CPVL: variants seen among roughly 807,000 people sequenced by gnomAD.
CPVL encodes probable serine carboxypeptidase CPVL.
CPVL carries 51 observed loss-of-function variants against 63.7 expected under a neutral mutation model. The observed-to-expected ratio is 0.80, with a 90% CI of 0.64 to 1.01. The LOEUF is 1.01. Among genes scored for constraint, CPVL ranks in the 50% least tolerant of loss-of-function variants. The probability of loss-of-function intolerance (pLI) is 0.00; values close to 1 mark genes in which losing one functional copy is unlikely to be tolerated. For missense variants in CPVL, 530 were observed against 573.1 expected, an observed-to-expected ratio of 0.92 and a Z score of 0.77; for synonymous variants, 195 against 206.0, an observed-to-expected ratio of 0.95 and a Z score of 0.46.
At chr7:29,169,471 C>A (rs1271090311) in intron 5 of CPVL, among the ~76,000 whole-genome samples, 1 of 151,836 alleles carries the variant, frequency 6.6e-6, no homozygotes, top group Admixed American at 6.6e-5. Context: ...TGTTTATATA[C>A]AATAATGTTA....
chr7:29,093,377 CAAAAA>C (rs371165878), intron 5 of CPVL, among the ~76,000 whole-genome samples: 10 of 70,014 alleles, frequency 1.4e-4, no homozygotes, highest in African/African-American at 4.3e-4. Context: ...ACTCCGTCTC[CAAAAA>C]AAAAAAAAAA....
intron 3 of CPVL, among the ~76,000 whole-genome samples, chr7:29,103,404 C>T (rs571243967): frequency 0.013 from 1,225 of 96,418 alleles, 7 homozygotes; most frequent in Admixed American, 0.026. Flanking sequence ...CACCACCATG[C>T]TCAGCTATTT....
chr7:29,051,578 T>A, intron 11 of CPVL, among the ~76,000 whole-genome samples: 1 of 151,974 alleles, frequency 6.6e-6, no homozygotes, highest in Non-Finnish European at 1.5e-5. Context: ...ATGGCCATAA[T>A]CAAAAAATCA....
chr7:29,142,139 G>A (rs116819207), intron 1 of CPVL, among the ~76,000 whole-genome samples: 2 of 152,206 alleles, frequency 1.3e-5, no homozygotes, highest in Admixed American at 6.5e-5. Flanking sequence ...TACTAGTGCA[G>A]ATATGGTCTT....
intron 2 of CPVL, among the ~76,000 whole-genome samples, chr7:29,117,608 C>T (rs547747948): frequency 2.0e-5 from 3 of 151,740 alleles, no homozygotes; most frequent in Non-Finnish European, 4.4e-5. Flanking sequence ...TACCATGGGC[C>T]CTGGGGTTGG....
chr7:29,100,487 C>G (rs1787007215), intron 3 of CPVL, among the ~76,000 whole-genome samples: 1 of 152,082 alleles, frequency 6.6e-6, no homozygotes, highest in Non-Finnish European at 1.5e-5. Flanking sequence ...GGCCTCTGGT[C>G]TCCAGCCTGT....
Position 29,092,767 on chromosome 7 carries a change from A to T in CPVL, c.463-65T>A. On this transcript the variant is annotated intron_variant, in intron 5 of 12. Coordinates refer to ENST00000265394, the MANE Select transcript of CPVL (RefSeq NM_031311.5). ...ACACATGCCTTAGGGACCTGCAGAG[A>T]GGTCCCACACTGGAAGGTGACCTTG... 5 of 1,141,450 alleles carry T rather than the reference A, an allele frequency of 4.4e-6. No individual in the cohort carries two copies. In the South Asian group the frequency reaches 5.0e-5, roughly 11 times the overall value. The allele number at this position is 1,141,450 out of a possible 1,614,324, so 70.7% of individuals were successfully genotyped here. A position where few individuals can be genotyped will look rare whatever the true frequency, so the allele number is the denominator to read the frequency against.
intron 11 of CPVL, among the ~76,000 whole-genome samples, chr7:29,057,390 G>T (rs1790848519): frequency 6.6e-6 from 1 of 152,100 alleles, no homozygotes; most frequent in Non-Finnish European, 1.5e-5. Flanking sequence ...ATATATTTTG[G>T]TTAACAGTCC....
At chr7:29,147,248 G>A (rs551766414), upstream of CPVL, 1 of 380,384 alleles carries the variant, frequency 2.6e-6, no homozygotes, top group East Asian at 5.8e-5. Flanking sequence ...AAATAAAGGA[G>A]GGTCATCATT....
At chr7:29,028,533 C>G (rs1235199580) in intron 12 of CPVL, among the ~76,000 whole-genome samples, 1 of 152,106 alleles carries the variant, frequency 6.6e-6, no homozygotes, top group Non-Finnish European at 1.5e-5. Flanking sequence ...GCAAAGGGAA[C>G]AATCAATAGA....
At chr7:28,996,549 CAA>C (rs549584191) in intron 12 of CPVL, among the ~76,000 whole-genome samples, 15 of 113,596 alleles carry the variant, frequency 1.3e-4, no homozygotes, top group Middle Eastern at 8.5e-3. Context: ...AACCAAAAAA[CAA>C]AAAAAAAAAA....
exon 1 of CPVL, chr7:29,195,116 C>T: frequency 2.0e-6 from 2 of 987,060 alleles, no homozygotes; most frequent in South Asian, 1.7e-5. Flanking sequence ...TGGGGGCAGG[C>T]GTCCGGGGTG....
intron 5 of CPVL, among the ~76,000 whole-genome samples, chr7:29,165,484 C>CT (rs1795793502): frequency 6.6e-6 from 1 of 152,068 alleles, no homozygotes; most frequent in South Asian, 2.1e-4. Flanking sequence ...TTTCCACAGT[C>CT]ATGTTGTCTG....
upstream of CPVL, among the ~76,000 whole-genome samples, chr7:29,151,160 C>T (rs1055944240): frequency 6.6e-6 from 1 of 152,138 alleles, no homozygotes; most frequent in Non-Finnish European, 1.5e-5. Flanking sequence ...CTAAGACTAG[C>T]CACAGGCTAC....
intron 12 of CPVL, among the ~76,000 whole-genome samples, chr7:29,022,214 C>T (rs559910066): frequency 2.4e-4 from 37 of 152,228 alleles, no homozygotes; most frequent in Non-Finnish European, 4.1e-4. Context: ...CCTCTTGGCC[C>T]AAGGACACCA....
intron 12 of CPVL, among the ~76,000 whole-genome samples, chr7:29,017,055 A>C (rs1169141785): frequency 6.6e-6 from 1 of 152,162 alleles, no homozygotes; most frequent in Non-Finnish European, 1.5e-5. Flanking sequence ...CTGCTTAAAC[A>C]ATGGAACACA....
chr7:29,096,454 T>C, intron 3 of CPVL: 1 of 542,642 alleles, frequency 1.8e-6, no homozygotes. Flanking sequence ...GTCAAGTCTT[T>C]TCCCAACAAG....
chr7:29,055,803 T>A (rs1210855168), intron 11 of CPVL, among the ~76,000 whole-genome samples: 3 of 152,222 alleles, frequency 2.0e-5, no homozygotes, highest in Non-Finnish European at 4.4e-5. Flanking sequence ...CTGGTGTTGT[T>A]TTTGTTTTCA....
chr7:29,067,271 G>A (rs184433514), intron 9 of CPVL, among the ~76,000 whole-genome samples: 21 of 152,304 alleles, frequency 1.4e-4, no homozygotes, highest in Admixed American at 5.2e-4. Flanking sequence ...GGATCCTGCA[G>A]TTACCAGGAA....
Sources: gnomAD v4.1 joint callset for allele counts (sites outside exome capture counted in the v4.1 genomes callset) on GRCh38, gnomAD v4.1.1 for gene constraint, MANE v1.5 for transcripts, NCBI Gene and HGNC (gene_info 2026-07-23, HGNC 2026-07-21) for gene names.